DMD: variants seen among roughly 807,000 people sequenced by gnomAD.
DMD encodes the protein dystrophin.
In DMD, 63 loss-of-function variants were observed where a neutral mutation model predicts 330.1. The observed-to-expected ratio is 0.19, with a 90% CI of 0.16 to 0.24. The LOEUF is 0.24. Ranked by LOEUF, DMD falls within the 10% of genes least tolerant of loss-of-function variation. DMD has a pLI of 1.00. For synonymous variants in DMD, 1,223 were observed against 959.8 expected (o/e 1.27, Z -5.07); for missense variants, 3,344 against 2,684.1 (o/e 1.25, Z -5.43).
chrX:33,303,116 C>G (rs1163249530), intron 1 of DMD, among the ~76,000 whole-genome samples: 2 of 111,384 alleles, frequency 1.8e-5, no homozygotes, highest in Non-Finnish European at 3.8e-5. Context: ...CAATGAATAA[C>G]ATCTTATTGT....
intron 76 of DMD, among the ~76,000 whole-genome samples, chrX:31,142,490 A>G (rs2036186087): frequency 8.9e-6 from 1 of 112,727 alleles, no homozygotes; most frequent in Admixed American, 9.4e-5. Context: ...ATAAATAGCT[A>G]TAAAGCAAAT....
intron 17 of DMD, among the ~76,000 whole-genome samples, chrX:32,519,128 T>C (rs1215103942): frequency 1.0e-5 from 1 of 100,479 alleles, no homozygotes; most frequent in Non-Finnish European, 2.0e-5. Context: ...TCTAATGGAA[T>C]AGTATTAAGC....
chrX:33,185,525 C>T (rs1359390624), intron 1 of DMD, among the ~76,000 whole-genome samples: 1 of 111,602 alleles, frequency 9.0e-6, no homozygotes, highest in Non-Finnish European at 1.9e-5. Flanking sequence ...TTAGAAATCT[C>T]GTTCTCTTCT....
intron 1 of DMD, among the ~76,000 whole-genome samples, chrX:33,141,623 G>A (rs1478829058): frequency 8.9e-6 from 1 of 111,738 alleles, no homozygotes; most frequent in African/African-American, 3.3e-5. Flanking sequence ...AGTATGATTG[G>A]AGAGTTTGAA....
At chrX:33,015,774 C>T (rs1418316168) in intron 2 of DMD, among the ~76,000 whole-genome samples, 1 of 111,739 alleles carries the variant, frequency 8.9e-6, no homozygotes, top group African/African-American at 3.2e-5. Context: ...AGAAATCTTG[C>T]AAGAAGTATG....
intron 62 of DMD, among the ~76,000 whole-genome samples, chrX:31,313,668 A>G (rs2055722067): frequency 9.1e-6 from 1 of 109,980 alleles, no homozygotes; most frequent in Non-Finnish European, 1.9e-5. Flanking sequence ...CTCATTATCC[A>G]CCCCTCACCC....
At chrX:32,938,294 T>C (rs1313507717) in intron 2 of DMD, among the ~76,000 whole-genome samples, 1 of 111,554 alleles carries the variant, frequency 9.0e-6, no homozygotes, top group Non-Finnish European at 1.9e-5. Flanking sequence ...ATAATACTTA[T>C]CAAAGGAGTA....
intron 2 of DMD, among the ~76,000 whole-genome samples, chrX:32,867,312 T>G (rs2082592158): frequency 8.9e-6 from 1 of 112,153 alleles, no homozygotes; most frequent in African/African-American, 3.2e-5. Context: ...AAAACAAAAA[T>G]AGTAAATCAA....
At chrX:31,380,398 A>G (rs2060114227) in intron 60 of DMD, among the ~76,000 whole-genome samples, 1 of 109,372 alleles carries the variant, frequency 9.1e-6, no homozygotes, top group Non-Finnish European at 1.9e-5. Context: ...ACCCACAAGC[A>G]TAAGACACCT....
intron 44 of DMD, among the ~76,000 whole-genome samples, chrX:32,173,204 A>G (rs906050975): frequency 9.2e-6 from 1 of 108,539 alleles, no homozygotes; most frequent in Non-Finnish European, 1.9e-5. Context: ...GTCGTTGGAG[A>G]AAAAAATCAC....
chrX:31,662,513 T>C (rs1224501557), intron 53 of DMD, among the ~76,000 whole-genome samples: 1 of 112,280 alleles, frequency 8.9e-6, no homozygotes, highest in Non-Finnish European at 1.9e-5. Flanking sequence ...TAAGGTTGAA[T>C]ATTGGTTAAA....
intron 18 of DMD, among the ~76,000 whole-genome samples, chrX:32,509,347 C>T (rs2045031820): frequency 9.0e-6 from 1 of 110,707 alleles, no homozygotes; most frequent in Admixed American, 9.6e-5. Context: ...CTACCGTCTC[C>T]CATTAACTCA....
At chrX:32,425,523 G>T (rs1334834449) in intron 29 of DMD, among the ~76,000 whole-genome samples, 1 of 111,151 alleles carries the variant, frequency 9.0e-6, no homozygotes, top group Non-Finnish European at 1.9e-5. Flanking sequence ...CATCTTTTCT[G>T]CCCTATTACT....
chrX:33,314,537 C>T (rs1166474536), intron 1 of DMD, among the ~76,000 whole-genome samples: 3 of 99,254 alleles, frequency 3.0e-5, no homozygotes, highest in Middle Eastern at 5.4e-3. Context: ...GGATTACATG[C>T]GTGATCCACT....
At chrX:31,674,213 G>A (rs2081961351) in intron 53 of DMD, among the ~76,000 whole-genome samples, 1 of 111,837 alleles carries the variant, frequency 8.9e-6, no homozygotes, top group African/African-American at 3.3e-5. Flanking sequence ...TGATGCCATC[G>A]ATCCTTCCAC....
Position 31,972,100 on chromosome X carries a change from A to G in DMD, c.6439-3586T>C, listed in dbSNP as rs372127077. On this transcript the variant is annotated intron_variant, in intron 44 of 78. Transcript: ENST00000357033. ...TCAGAATTTCTGGGGACAAAGGTAT[A>G]TGAAAGAGATACACTAAAAAAGAAA... Among the ~76,000 whole-genome samples the G allele has an allele frequency of 5.4e-5, 6 of 111,732 alleles. No individual in the cohort carries two copies. In the East Asian group the frequency reaches 1.7e-3, roughly 32 times the overall value.
At chrX:32,058,559 C>A (rs2096198513) in intron 44 of DMD, among the ~76,000 whole-genome samples, 1 of 91,487 alleles carries the variant, frequency 1.1e-5, no homozygotes, top group African/African-American at 4.1e-5. Context: ...ATTAGGATAA[C>A]CATTATTAAA....
chrX:32,693,835 A>G, intron 9 of DMD, among the ~76,000 whole-genome samples: 1 of 111,648 alleles, frequency 9.0e-6, no homozygotes, highest in East Asian at 2.8e-4. Context: ...CTCCAAATAC[A>G]CACACATGCA....
chrX:31,377,526 G>C (rs1487893841), intron 60 of DMD, among the ~76,000 whole-genome samples: 1 of 112,154 alleles, frequency 8.9e-6, no homozygotes, highest in Non-Finnish European at 1.9e-5. Context: ...ATTAACACTA[G>C]CTTAAATAAG....
Sources: gnomAD v4.1 joint callset for allele counts (sites outside exome capture counted in the v4.1 genomes callset) on GRCh38, gnomAD v4.1.1 for gene constraint, MANE v1.5 for transcripts, NCBI Gene and HGNC (gene_info 2026-07-23, HGNC 2026-07-21) for gene names.